The following LHX8 variants were observed in gnomAD, a reference collection of about 807,000 sequenced individuals.
LHX8 encodes LIM homeobox 8.
LHX8 carries 12 observed loss-of-function variants against 40.3 expected under a neutral mutation model. That is an observed-to-expected ratio of 0.30 (90% CI 0.19 to 0.48). The LOEUF is 0.48. Among genes scored for constraint, LHX8 ranks in the 20% least tolerant of loss-of-function variants. The probability of loss-of-function intolerance (pLI) is 0.99; values close to 1 mark genes in which losing one functional copy is unlikely to be tolerated. For missense variants in LHX8, 344 were observed against 433.7 expected, an observed-to-expected ratio of 0.79 and a Z score of 1.84; for synonymous variants, 179 against 162.0, an observed-to-expected ratio of 1.10 and a Z score of -0.80.
intron 4 of LHX8, among the ~76,000 whole-genome samples, chr1:75,142,571 C>G (rs916803087): frequency 2.0e-5 from 3 of 152,132 alleles, no homozygotes; most frequent in Non-Finnish European, 2.9e-5. Context: ...TCTCACCCAA[C>G]AGGGTGAAGA....
At chr1:75,152,314 G>C (rs756359875) in intron 7 of LHX8, among the ~76,000 whole-genome samples, 30 of 152,136 alleles carry the variant, frequency 2.0e-4, no homozygotes, top group African/African-American at 6.5e-4. Context: ...TAATAAAGCA[G>C]ACTGTCCTTA....
At chr1:75,141,194 T>A in intron 4 of LHX8, 88 bp downstream of exon 4, 1 of 1,432,620 alleles carries the variant, frequency 7.0e-7, no homozygotes, top group Non-Finnish European at 9.6e-7. Flanking sequence ...TGTTCAGTTT[T>A]ATTTAATGAA....
Position 75,138,812 on chromosome 1 carries a change from T to G in LHX8, c.237+1551T>G, listed in dbSNP as rs577517857. Reference sequence around the variant, plus strand: ...CATTTATATATTATATATCTTTGTATTGCATAAAAATCTAAGTTAAGTGAG... The same window carrying G: ...CATTTATATATTATATATCTTTGTAGTGCATAAAAATCTAAGTTAAGTGAG... On this transcript the variant is annotated intron_variant, in intron 3 of 8. Transcript: ENST00000356261. Among the ~76,000 whole-genome samples the G allele has an allele frequency of 6.4e-4, 97 of 152,264 alleles. No homozygotes were observed. In the Middle Eastern group the frequency reaches 0.01, roughly 16 times the overall value.
intron 8 of LHX8, among the ~76,000 whole-genome samples, chr1:75,157,442 G>A (rs1477029836): frequency 4.6e-5 from 7 of 152,176 alleles, no homozygotes; most frequent in Admixed American, 4.6e-4. Context: ...TTTTGTTAAA[G>A]AGTTGTTTTT....
At chr1:75,146,714 T>C (rs1443801153) in intron 6 of LHX8, among the ~76,000 whole-genome samples, 4 of 152,148 alleles carry the variant, frequency 2.6e-5, no homozygotes. Flanking sequence ...TCTTTTTGTG[T>C]GTGTGAGACT....
the LHX8 span, among the ~76,000 whole-genome samples, chr1:75,172,624 T>C: frequency 7.2e-5 from 11 of 152,248 alleles, 1 homozygote; most frequent in South Asian, 1.4e-3. Context: ...CATATTTTCC[T>C]GAGCATCTGC....
the LHX8 span, among the ~76,000 whole-genome samples, chr1:75,178,738 T>C: frequency 6.6e-6 from 1 of 152,230 alleles, no homozygotes; most frequent in African/African-American, 2.4e-5. Context: ...TTGCTCTTGC[T>C]TCTCTAGTTC....
upstream of LHX8, chr1:75,130,436 A>G (rs1028999727): frequency 5.4e-6 from 3 of 554,054 alleles, no homozygotes; most frequent in Non-Finnish European, 9.7e-6. Flanking sequence ...GCGGGTGGCG[A>G]AGGCAGGGTC....
chr1:75,132,496 C>A (rs1160153575), upstream of LHX8: 1 of 152,206 alleles, frequency 6.6e-6, no homozygotes, highest in Non-Finnish European at 1.5e-5. Flanking sequence ...TTCTTCTTCC[C>A]CAAGCCCAGA....
chr1:75,140,037 A>C (rs1648269512), intron 3 of LHX8, among the ~76,000 whole-genome samples: 1 of 146,910 alleles, frequency 6.8e-6, no homozygotes, highest in Non-Finnish European at 1.5e-5. Context: ...TCCACTTAAC[A>C]AGAGCAAACT....
chr1:75,144,393 C>T (rs1648405867), intron 6 of LHX8, among the ~76,000 whole-genome samples: 1 of 152,088 alleles, frequency 6.6e-6, no homozygotes, highest in Non-Finnish European at 1.5e-5. Flanking sequence ...ATTTAATGAA[C>T]ACAATTGTAC....
rs1269153590 is a variant in LHX8, at chr1:75,160,960, A to T, written c.*65A>T. On this transcript the variant is annotated 3_prime_UTR_variant, in exon 9 of 9. Transcript: ENST00000356261. Reference sequence around the variant, plus strand: ...TGTCATTTATTATGTATAAAATACCATTGAAAAGATATTACTGTTAATTTT... The same window carrying T: ...TGTCATTTATTATGTATAAAATACCTTTGAAAAGATATTACTGTTAATTTT... The T allele has an allele frequency of 1.7e-5, 20 of 1,181,766 alleles. No homozygotes were observed. The highest frequency in any genetic ancestry group is 2.5e-5 in the Non-Finnish European group (20 of 789,052). The allele number at this position is 1,181,766 out of a possible 1,614,324, so 73.2% of individuals were successfully genotyped here. A position where few individuals can be genotyped will look rare whatever the true frequency, so the allele number is the denominator to read the frequency against.
the LHX8 span, among the ~76,000 whole-genome samples, chr1:75,187,373 G>T: frequency 1.3e-5 from 2 of 152,152 alleles, no homozygotes; most frequent in Non-Finnish European, 2.9e-5. Flanking sequence ...TTCCTATTTT[G>T]GTTTCTGTTG....
chr1:75,193,734 G>T, the LHX8 span, among the ~76,000 whole-genome samples: 1 of 152,128 alleles, frequency 6.6e-6, no homozygotes, highest in Non-Finnish European at 1.5e-5. Flanking sequence ...GCTACTTTGA[G>T]GATGTATTTT....
intron 7 of LHX8, among the ~76,000 whole-genome samples, chr1:75,156,235 T>TTTTGA (rs1648762885): frequency 7.6e-6 from 1 of 131,470 alleles, no homozygotes; most frequent in South Asian, 2.3e-4. Context: ...GTTGTTGTTG[T>TTTTGA]TTTGTTTTGT....
At chr1:75,192,682 G>A in the LHX8 span, among the ~76,000 whole-genome samples, 4 of 147,842 alleles carry the variant, frequency 2.7e-5, no homozygotes, top group Non-Finnish European at 5.9e-5. Context: ...GTGTCCAGGC[G>A]CTATGCTTTT....
chr1:75,154,975 G>T (rs1417598934), intron 7 of LHX8, among the ~76,000 whole-genome samples: 1 of 152,044 alleles, frequency 6.6e-6, no homozygotes, highest in African/African-American at 2.4e-5. Flanking sequence ...CTGAAGTAAG[G>T]CCAGCTTTTT....
chr1:75,179,362 T>C, the LHX8 span, among the ~76,000 whole-genome samples: 1 of 152,208 alleles, frequency 6.6e-6, no homozygotes, highest in African/African-American at 2.4e-5. Flanking sequence ...GCTCTTGTAT[T>C]GGGTGCATAT....
At chr1:75,149,796 C>T (rs1648559255) in intron 7 of LHX8, among the ~76,000 whole-genome samples, 1 of 152,174 alleles carries the variant, frequency 6.6e-6, no homozygotes, top group Non-Finnish European at 1.5e-5. Context: ...ATCCTCCTCC[C>T]TTGGCCTCCC....
Sources: allele counts gnomAD v4.1 joint callset (sites outside exome capture counted in the v4.1 genomes callset), GRCh38; gene constraint gnomAD v4.1.1; transcripts MANE v1.5; gene names NCBI Gene and HGNC (gene_info 2026-07-23, HGNC 2026-07-21).